Variants in MORN1 observed in about 807,000 individuals in gnomAD.
MORN1 encodes MORN repeat containing 1, also known as MORN repeat-containing protein 1.
MORN1 carries 67 observed loss-of-function variants against 61.9 expected under a neutral mutation model. That is an observed-to-expected ratio of 1.08 (90% confidence interval 0.89 to 1.33). The LOEUF (loss-of-function observed/expected upper bound fraction) is 1.33. MORN1 is among the 40% of genes most tolerant of loss of function. The pLI is 0.00. For synonymous variants in MORN1, 301 were observed against 292.0 expected (o/e 1.03, Z -0.31); for missense variants, 752 against 691.2 (o/e 1.09, Z -0.99).
In MORN1 at chr1:2,387,479, C is replaced by T. The variant is rs180951333; in HGVS notation, c.298G>A (p.Val100Ile). ...FVLGEPQGYG[V>I]MEYKAGGCYE... ...CATCCGCCGGCTTTGTACTCCATGA[C>T]GCCGTAGCCTTGAGGCTCTCCCAGA... Residue 100 changes from valine (V) to isoleucine (I), a missense_variant, in exon 4 of 14, where the codon GTC becomes ATC. By Grantham distance (29) the Val-to-Ile change is conservative (BLOSUM62 3). Coordinates refer to ENST00000378531, the MANE Select transcript of MORN1 (RefSeq NM_024848.3). 96 of 1,613,580 alleles carry T rather than the reference C, an allele frequency of 5.9e-5. No individual in the cohort carries two copies. Among genetic ancestry groups the T allele is most frequent in the Middle Eastern group, 3.3e-4 (2 of 6,062 alleles).
At chr1:2,322,318 C>G (rs1490781257) in intron 13 of MORN1, 6 of 985,290 alleles carry the variant, frequency 6.1e-6, no homozygotes, top group Non-Finnish European at 7.2e-6. Context: ...AAAAGCGCCT[C>G]GGCTGGCCCG....
chr1:2,368,786 C>T (rs930685401), intron 8 of MORN1, among the ~76,000 whole-genome samples: 10 of 152,302 alleles, frequency 6.6e-5, no homozygotes, highest in East Asian at 1.9e-4. Context: ...CAGGCCAGCA[C>T]GGTGGCTCAT....
intron 13 of MORN1, 89 bp from the exon 14 acceptor site, chr1:2,321,668 G>A (rs772656650): frequency 2.1e-4 from 289 of 1,389,786 alleles, no homozygotes; most frequent in Non-Finnish European, 2.6e-4. Context: ...TCATGTGCCC[G>A]CTGGCCCCTG....
chr1:2,325,126 C>CT (rs1640982506), intron 12 of MORN1, among the ~76,000 whole-genome samples: 1 of 79,686 alleles, frequency 1.3e-5, no homozygotes, highest in Non-Finnish European at 2.3e-5. Flanking sequence ...TCCTTCCCTT[C>CT]CTTCCTTCCC....
chr1:2,385,760 T>C (rs1642482380), intron 5 of MORN1, 47 bp downstream of exon 5: 1 of 1,556,668 alleles, frequency 6.4e-7, no homozygotes, highest in South Asian at 1.1e-5. Flanking sequence ...ACACCTGCCC[T>C]GTGTATCTGT....
chr1:2,324,573 A>G (rs1239145705), intron 12 of MORN1, among the ~76,000 whole-genome samples: 1 of 152,302 alleles, frequency 6.6e-6, no homozygotes, highest in East Asian at 1.9e-4. Context: ...AGTCTCAGCA[A>G]GAGGGACCAG....
Position 2,335,505 on chromosome 1 carries a change from G to A in MORN1, c.1250+964C>T, listed in dbSNP as rs1453712915. Among the ~76,000 whole-genome samples, 5 of 152,316 alleles carry A rather than the reference G, an allele frequency of 3.3e-5. No individual in the cohort carries two copies. In the South Asian group the frequency reaches 6.2e-4, roughly 19 times the overall value. ...AAGCCCTTCTAGGGCGGCGACAGGGGTCTGGTTCTCCACCCACCTGCCTTG... is the reference window on the plus strand; with the variant it reads ...AAGCCCTTCTAGGGCGGCGACAGGGATCTGGTTCTCCACCCACCTGCCTTG... On this transcript the variant is annotated intron_variant, in intron 12 of 13. Transcript: ENST00000378531.
At chr1:2,340,072 C>A (rs1033621284) in intron 10 of MORN1, among the ~76,000 whole-genome samples, 3 of 152,356 alleles carry the variant, frequency 2.0e-5, no homozygotes, top group South Asian at 2.1e-4. Context: ...CCTGAGCCCC[C>A]ACTTGTCCCC....
intron 2 of MORN1, chr1:2,388,639 T>C (rs1314837711): frequency 3.0e-6 from 1 of 333,022 alleles, no homozygotes; most frequent in Non-Finnish European, 5.7e-6. Flanking sequence ...ATTAGCCAGG[T>C]GTGGTGGTAC....
Position 2,357,458 on chromosome 1 carries a change from T to C in MORN1, c.1010A>G (p.Gln337Arg). The part of the protein sequence containing the change: ...LELHLGALHG[Q>R]EDTPGGLLAR... ...AAGCAGGCCACCAGGGGTGTCCTCC[T>C]GGCCATGGAGGGCACCCAAATGCAG... Residue 337 changes from glutamine to arginine, a missense_variant, in exon 10 of 14, where the codon CAG (glutamine) becomes CGG (arginine). Transcript: ENST00000378531. The surrounding 1 kb of genome is among the most constrained non-coding windows in gnomAD (Gnocchi z 6.3). 6.2e-7 allele frequency: 1 copy of C among 1,610,674 alleles called. No individual in the cohort carries two copies. The highest frequency in any genetic ancestry group is 8.5e-7 in the Non-Finnish European group (1 of 1,178,586).
At chr1:2,387,691 G>GT in intron 3 of MORN1, 162 bp from the exon 4 acceptor site, 1 of 623,152 alleles carries the variant, frequency 1.6e-6, no homozygotes, top group Non-Finnish European at 2.9e-6. Context: ...GGAAAACATG[G>GT]TAAGCAGGTC....
chr1:2,385,212 C>A, intron 5 of MORN1, 147 bp from the exon 6 acceptor site: 1 of 769,698 alleles, frequency 1.3e-6, no homozygotes, highest in South Asian at 1.8e-5. Flanking sequence ...GAGCTCCTGC[C>A]TCGCCAGGGC....
At chr1:2,367,511 T>C (rs1307532515) in intron 8 of MORN1, among the ~76,000 whole-genome samples, 2 of 151,924 alleles carry the variant, frequency 1.3e-5, no homozygotes, top group Admixed American at 1.3e-4. Context: ...GAATACTCTT[T>C]TTAACAAATG....
intron 11 of MORN1, 69 bp from the exon 12 acceptor site, chr1:2,336,617 AC>A: frequency 3.8e-6 from 6 of 1,595,094 alleles, no homozygotes; most frequent in Admixed American, 1.7e-5. Flanking sequence ...CTCTGCTCCA[AC>A]CCCCCTGGGG....
intron 8 of MORN1, among the ~76,000 whole-genome samples, chr1:2,359,449 C>T (rs1355554553): frequency 1.3e-5 from 2 of 152,186 alleles, no homozygotes; most frequent in African/African-American, 4.8e-5. Flanking sequence ...TGCTCTGGGC[C>T]CCGCTGGGCA....
At chr1:2,330,513 T>A (rs537333508) in intron 12 of MORN1, among the ~76,000 whole-genome samples, 1 of 151,918 alleles carries the variant, frequency 6.6e-6, no homozygotes, top group Non-Finnish European at 1.5e-5. Flanking sequence ...CTGCGGTCAC[T>A]GGCGACAGAG....
chr1:2,339,905 C>T (rs926437283), intron 10 of MORN1, among the ~76,000 whole-genome samples: 8 of 152,250 alleles, frequency 5.3e-5, no homozygotes, highest in Non-Finnish European at 1.2e-4. Context: ...GGCTGCTCCC[C>T]GTGGAGCACG....
At chr1:2,368,317 GCTGCCC>G (rs753036033) in intron 8 of MORN1, among the ~76,000 whole-genome samples, 35 of 152,258 alleles carry the variant, frequency 2.3e-4, no homozygotes, top group Non-Finnish European at 4.7e-4. Flanking sequence ...GCAGAGCGGG[GCTGCCC>G]CCCAGGCAGA....
intron 10 of MORN1, among the ~76,000 whole-genome samples, chr1:2,340,070 C>T (rs1641361239): frequency 6.6e-6 from 1 of 152,206 alleles, no homozygotes; most frequent in Non-Finnish European, 1.5e-5. Context: ...GGCCTGAGCC[C>T]CCACTTGTCC....
Sources: allele counts gnomAD v4.1 joint callset (sites outside exome capture counted in the v4.1 genomes callset), GRCh38; gene constraint gnomAD v4.1.1; non-coding constraint Gnocchi (gnomAD v3.1); transcripts MANE v1.5; gene names NCBI Gene and HGNC (gene_info 2026-07-23, HGNC 2026-07-21).